The following PISD variants were observed in gnomAD, a reference collection of about 807,000 sequenced individuals.
PISD encodes the protein phosphatidylserine decarboxylase proenzyme, mitochondrial.
Under a neutral mutation model 43.5 loss-of-function variants are expected in PISD, and 31 were observed. The observed-to-expected ratio is 0.71, with a 90% CI of 0.54 to 0.96. The LOEUF (loss-of-function observed/expected upper bound fraction) is 0.96, where lower values mean the gene tolerates loss of function less well. Ranked by LOEUF, PISD falls within the 40% of genes least tolerant of loss-of-function variation. The probability of loss-of-function intolerance (pLI) is 0.00; values close to 1 mark genes in which losing one functional copy is unlikely to be tolerated. For missense variants in PISD, 523 were observed against 548.4 expected, an observed-to-expected ratio of 0.95 and a Z score of 0.46; for synonymous variants, 259 against 228.7, an observed-to-expected ratio of 1.13 and a Z score of -1.20.
intron 6 of PISD, 112 bp downstream of exon 6, chr22:31,620,884 C>T: frequency 7.1e-7 from 1 of 1,405,758 alleles, no homozygotes; most frequent in Non-Finnish European, 9.6e-7. Context: ...AAGCAGTCAA[C>T]TCCTGGCCTC....
intron 3 of PISD, among the ~76,000 whole-genome samples, chr22:31,639,804 C>T (rs2073635815): frequency 6.6e-6 from 1 of 152,180 alleles, no homozygotes; most frequent in African/African-American, 2.4e-5. Flanking sequence ...TGCTCACTCA[C>T]CGCGGCTCTG....
chr22:31,628,716 T>C (rs776524681), intron 3 of PISD: 6 of 527,094 alleles, frequency 1.1e-5, no homozygotes, highest in Non-Finnish European at 1.5e-5. Context: ...ATCTGGAAAA[T>C]GGGAAAGGAA....
intron 1 of PISD, among the ~76,000 whole-genome samples, chr22:31,655,316 C>CCTTTTT (rs1491359661): frequency 6.9e-6 from 1 of 145,128 alleles, no homozygotes; most frequent in African/African-American, 2.5e-5. Flanking sequence ...GTACAACCCC[C>CCTTTTT]TTTTTTTTTT....
intron 3 of PISD, among the ~76,000 whole-genome samples, chr22:31,637,945 A>G (rs1340211804): frequency 6.6e-6 from 1 of 152,242 alleles, no homozygotes; most frequent in Non-Finnish European, 1.5e-5. Flanking sequence ...AGGAGGATCC[A>G]TGTGCTTCCA....
chr22:31,621,081 G>GTGAT lies in PISD; in HGVS notation c.755_758dup (p.His253GlnfsTer51), dbSNP rs1183458434. ...CCCCAGGGGCCAGGTAGATGACACA[G>GTGAT]TGATAGAGCTCATTCCCTTCCCGGG... is the stretch of plus-strand genomic sequence containing the variant. On this transcript the variant is annotated frameshift_variant, in exon 6 of 8. Transcript: ENST00000439502. LOFTEE classifies it high-confidence loss of function. 2 of 1,614,160 alleles carry GTGAT rather than the reference G, an allele frequency of 1.2e-6. No homozygotes were observed. Among genetic ancestry groups the GTGAT allele is most frequent in the Non-Finnish European group, 1.7e-6 (2 of 1,180,008 alleles).
chr22:31,619,806 T>G lies in PISD; in HGVS notation c.1036A>C (p.Lys346Gln). The G allele has an allele frequency of 6.2e-7, 1 of 1,614,020 alleles. No homozygotes were observed. The highest frequency in any genetic ancestry group is 8.5e-7 in the Non-Finnish European group (1 of 1,179,914). Residue 346 changes from lysine to glutamine, a missense_variant, in exon 8 of 8, where the codon AAG becomes CAG. Lys to Gln is a moderately conservative substitution (Grantham distance 53). Transcript: ENST00000439502. ...AAGCTGAAGTCATTGTAGGAGCCCT[T>G]GCTGTGCCTTGGGCTGTTTGTGTGC... The part of the protein sequence containing the change: ...DLHTNSPRHS[K>Q]GSYNDFSFVT...
At chr22:31,648,998 T>C (rs891466747) in intron 2 of PISD, among the ~76,000 whole-genome samples, 3 of 152,150 alleles carry the variant, frequency 2.0e-5, no homozygotes, top group African/African-American at 7.2e-5. Context: ...AGGCCCAATT[T>C]TGATCAGGCA....
chr22:31,625,627 G>C (rs2072864016), intron 3 of PISD: 1 of 1,128,700 alleles, frequency 8.9e-7, no homozygotes, highest in East Asian at 2.6e-5. Context: ...CCCAGGCCAG[G>C]CTCCTCCAGC....
chr22:31,652,483 T>C (rs142428847), intron 1 of PISD, among the ~76,000 whole-genome samples: 2 of 152,150 alleles, frequency 1.3e-5, no homozygotes, highest in East Asian at 3.9e-4. Flanking sequence ...TTAGGTACTT[T>C]CCTTTTTTCA....
At chr22:31,654,573 C>T (rs1169977736) in intron 1 of PISD, among the ~76,000 whole-genome samples, 3 of 152,182 alleles carry the variant, frequency 2.0e-5, no homozygotes, top group African/African-American at 7.2e-5. Context: ...ATAGGAGAGA[C>T]TAGCCAGATG....
At chr22:31,659,296 T>G (rs2074257769) in intron 1 of PISD, among the ~76,000 whole-genome samples, 1 of 152,196 alleles carries the variant, frequency 6.6e-6, no homozygotes, top group Non-Finnish European at 1.5e-5. Context: ...CCACCATGTA[T>G]TACAAGTATA....
intron 3 of PISD, chr22:31,623,783 A>G (rs767669737): frequency 1.1e-5 from 18 of 1,614,028 alleles, no homozygotes; most frequent in Non-Finnish European, 1.5e-5. Context: ...GCAGTTTCAG[A>G]GCGGGTCTGG....
In PISD at chr22:31,634,752, C is replaced by T. The variant is rs954422109; in HGVS notation, c.322-12867G>A. Among the ~76,000 whole-genome samples the T allele has an allele frequency of 4.9e-5, 7 of 142,962 alleles. No homozygotes were observed. In the South Asian group the frequency reaches 1.4e-3, roughly 28 times the overall value. 93.8% of individuals were successfully genotyped at this position (142,962 alleles called of 152,430 possible). ...ACTCGGGAGGCTGAGGTGGGAGAAT[C>T]GCTTGAACCTAGGAAGCAGAGGTTG... On this transcript the variant is annotated intron_variant, in intron 3 of 7. Transcript: ENST00000439502.
intron 3 of PISD, chr22:31,625,642 G>A: frequency 7.7e-7 from 1 of 1,303,236 alleles, no homozygotes; most frequent in Non-Finnish European, 1.1e-6. Context: ...TCCAGCCTCG[G>A]GGGCTGACCA....
intron 3 of PISD, among the ~76,000 whole-genome samples, chr22:31,640,878 G>GTGTTTTTTTT (rs1601407584): frequency 3.7e-5 from 1 of 27,190 alleles, no homozygotes; most frequent in Non-Finnish European, 6.3e-5. Flanking sequence ...ACCACACCCG[G>GTGTTTTTTTT]TGTTTTTTTT....
rs1442184553 is a variant in PISD at position 31,619,846 on chromosome 22, T to C, written c.1006-10A>G. The C allele has an allele frequency of 5.0e-6, 8 of 1,601,104 alleles. No individual in the cohort carries two copies. Among genetic ancestry groups the C allele is most frequent in the African/African-American group, 1.3e-5 (1 of 74,760 alleles). ...TGTTTGTGTGCAGGTCCTGTGGTGA[T>C]AGGCTGGGGGTCAGTGGGGCCCAGG... On this transcript the variant is annotated splice_polypyrimidine_tract_variant and intron_variant, in intron 7 of 7. Transcript: ENST00000439502.
intron 3 of PISD, among the ~76,000 whole-genome samples, chr22:31,639,632 T>C (rs138197572): frequency 7.2e-5 from 11 of 151,914 alleles, no homozygotes; most frequent in African/African-American, 2.7e-4. Flanking sequence ...CAATATGACA[T>C]GATTGCTGAA....
intron 3 of PISD, among the ~76,000 whole-genome samples, chr22:31,636,895 C>A (rs2147729156): frequency 6.6e-6 from 1 of 151,762 alleles, no homozygotes; most frequent in African/African-American, 2.4e-5. Context: ...CCAGGCTGGT[C>A]TTGAACTCCT....
intron 3 of PISD, among the ~76,000 whole-genome samples, chr22:31,642,297 T>G (rs1018508770): frequency 2.0e-5 from 3 of 149,954 alleles, no homozygotes; most frequent in Non-Finnish European, 4.4e-5. Flanking sequence ...AAATAAAAAA[T>G]TAGCTGAGTG....
Sources: gnomAD v4.1 joint callset for allele counts (sites outside exome capture counted in the v4.1 genomes callset) on GRCh38, gnomAD v4.1.1 for gene constraint, MANE v1.5 for transcripts, NCBI Gene and HGNC (gene_info 2026-07-23, HGNC 2026-07-21) for gene names.